SLC4A4: variants seen among roughly 807,000 people sequenced by gnomAD.
SLC4A4 encodes solute carrier family 4 member 4, also known as electrogenic sodium bicarbonate cotransporter 1.
In SLC4A4, 27 loss-of-function variants were observed where a neutral mutation model predicts 111.5. The observed-to-expected ratio is 0.24, with a 90% CI of 0.18 to 0.33. SLC4A4 has a LOEUF of 0.33. Ranked by LOEUF, SLC4A4 falls within the 10% of genes least tolerant of loss-of-function variation. The probability of loss-of-function intolerance (pLI) is 1.00; values close to 1 mark genes in which losing one functional copy is unlikely to be tolerated. For missense variants in SLC4A4, 909 were observed against 1,315.5 expected (o/e 0.69, Z 4.78); for synonymous variants, 443 against 463.4 (o/e 0.96, Z 0.57).
At chr4:71,467,042 G>C (rs1727435894) in intron 13 of SLC4A4, among the ~76,000 whole-genome samples, 1 of 151,542 alleles carries the variant, frequency 6.6e-6, no homozygotes, top group Non-Finnish European at 1.5e-5. Flanking sequence ...TTCTGGCAGT[G>C]CTTATCCCCG....
At chr4:71,447,844 T>TCATGC in intron 9 of SLC4A4, 111 bp downstream of exon 9, 1 of 762,538 alleles carries the variant, frequency 1.3e-6, no homozygotes, top group Non-Finnish European at 2.3e-6. Context: ...CTAGACTTCC[T>TCATGC]TATAGCATGA....
intron 3 of SLC4A4, among the ~76,000 whole-genome samples, chr4:71,311,250 C>A (rs550594415): frequency 6.6e-6 from 1 of 152,184 alleles, no homozygotes; most frequent in South Asian, 2.1e-4. Context: ...TAGTGGGAGA[C>A]TTTAACACCC....
intron 14 of SLC4A4, among the ~76,000 whole-genome samples, chr4:71,475,393 T>A (rs1347544148): frequency 6.6e-6 from 1 of 151,924 alleles, no homozygotes; most frequent in Non-Finnish European, 1.5e-5. Flanking sequence ...CATGTAATTT[T>A]CCTTCTAAGA....
intron 2 of SLC4A4, among the ~76,000 whole-genome samples, chr4:71,140,331 G>C (rs1231179245): frequency 6.6e-6 from 1 of 152,094 alleles, no homozygotes; most frequent in African/African-American, 2.4e-5. Flanking sequence ...TGAGGGGGGA[G>C]GATTGATTGA....
At chr4:71,289,041 T>C (rs1321259733) in intron 3 of SLC4A4, among the ~76,000 whole-genome samples, 4 of 152,170 alleles carry the variant, frequency 2.6e-5, no homozygotes, top group Non-Finnish European at 5.9e-5. Context: ...TGGGCTGACC[T>C]TGGGAATGTG....
At chr4:71,253,359 T>C (rs1027818111) in intron 2 of SLC4A4, among the ~76,000 whole-genome samples, 1 of 152,174 alleles carries the variant, frequency 6.6e-6, no homozygotes, top group Admixed American at 6.6e-5. Flanking sequence ...TGGGTAAATA[T>C]AATTTAAAAA....
chr4:71,369,459 T>G (rs1030961131), intron 6 of SLC4A4, among the ~76,000 whole-genome samples: 1 of 152,132 alleles, frequency 6.6e-6, no homozygotes, highest in Non-Finnish European at 1.5e-5. Context: ...AACCTCAGTT[T>G]CCTCATGGTG....
chr4:71,380,343 G>A (rs1259840487), intron 6 of SLC4A4, among the ~76,000 whole-genome samples: 1 of 152,140 alleles, frequency 6.6e-6, no homozygotes, highest in Non-Finnish European at 1.5e-5. Flanking sequence ...TACAGATGAA[G>A]GAACTGAGGC....
chr4:71,518,728 G>A (rs947990464), intron 16 of SLC4A4, among the ~76,000 whole-genome samples: 12 of 151,430 alleles, frequency 7.9e-5, no homozygotes, highest in African/African-American at 2.9e-4. Context: ...GGAGCCTAGG[G>A]CCACTGGGTT....
chr4:71,532,156 T>C lies in SLC4A4; in HGVS notation c.2261T>C (p.Ile754Thr), dbSNP rs752270634. 3 of 1,605,840 alleles carry C rather than the reference T, an allele frequency of 1.9e-6. No homozygotes were observed. Among genetic ancestry groups the C allele is most frequent in the South Asian group, 2.2e-5 (2 of 90,918 alleles). Residue 754 changes from isoleucine (I) to threonine (T), a missense_variant, in exon 17 of 26, where the codon ATT becomes ACT. Physicochemically the swap from Ile to Thr is moderately conservative, Grantham distance 89. Transcript: ENST00000264485. ...ALVGVDTPKL[I>T]VPSEFKPTSP... ...GTAGGCGTGGACACCCCAAAACTAA[T>C]TGTGCCAAGTGAGTTCAAGGTAGGT...
At chr4:71,182,049 A>T (rs993821528) in intron 2 of SLC4A4, among the ~76,000 whole-genome samples, 3 of 152,202 alleles carry the variant, frequency 2.0e-5, no homozygotes, top group Admixed American at 6.5e-5. Context: ...GATAATGGAC[A>T]TTATTTTGTC....
At chr4:71,262,611 T>C (rs1721943876) in intron 3 of SLC4A4, among the ~76,000 whole-genome samples, 1 of 152,216 alleles carries the variant, frequency 6.6e-6, no homozygotes, top group Non-Finnish European at 1.5e-5. Flanking sequence ...GCCACTTCCT[T>C]TGAATTCCTA....
At chr4:71,437,916 T>G (rs1724315654) in intron 7 of SLC4A4, 1 of 172,784 alleles carries the variant, frequency 5.8e-6, no homozygotes, top group Admixed American at 6.1e-5. Context: ...CTCCTGCAGC[T>G]CAGCTCATGG....
chr4:71,114,117 G>A (rs1743179543), intron 2 of SLC4A4, among the ~76,000 whole-genome samples: 1 of 152,106 alleles, frequency 6.6e-6, no homozygotes, highest in Admixed American at 6.5e-5. Flanking sequence ...CGTGGTGGCA[G>A]GCGCCTGTAG....
chr4:71,351,792 G>A (rs1241087851), intron 5 of SLC4A4, among the ~76,000 whole-genome samples: 3 of 152,178 alleles, frequency 2.0e-5, no homozygotes, highest in Non-Finnish European at 4.4e-5. Flanking sequence ...TAGTACATGG[G>A]CTTCTACAAT....
intron 6 of SLC4A4, among the ~76,000 whole-genome samples, chr4:71,370,312 T>C (rs1731742895): frequency 6.6e-6 from 1 of 152,196 alleles, no homozygotes; most frequent in African/African-American, 2.4e-5. Context: ...AGTTAAAGTA[T>C]AGGAAACTTA....
chr4:71,075,718 C>G (rs907784616), intron 1 of SLC4A4, among the ~76,000 whole-genome samples: 8 of 152,034 alleles, frequency 5.3e-5, no homozygotes, highest in Non-Finnish European at 1.0e-4. Context: ...GCCTGTAATC[C>G]CAGCATTTTG....
At chr4:71,554,254 C>T (rs1466760052) in intron 20 of SLC4A4, among the ~76,000 whole-genome samples, 5 of 151,742 alleles carry the variant, frequency 3.3e-5, no homozygotes, top group East Asian at 3.9e-4. Context: ...AATTGACTTG[C>T]GGTTTTAGTA....
chr4:71,153,897 T>C (rs1256585680), intron 2 of SLC4A4, among the ~76,000 whole-genome samples: 1 of 152,120 alleles, frequency 6.6e-6, no homozygotes, highest in Non-Finnish European at 1.5e-5. Flanking sequence ...ATCAGGGTCA[T>C]CAGTATGTGA....
Sources: allele counts gnomAD v4.1 joint callset (sites outside exome capture counted in the v4.1 genomes callset), GRCh38; gene constraint gnomAD v4.1.1; transcripts MANE v1.5; gene names NCBI Gene and HGNC (gene_info 2026-07-23, HGNC 2026-07-21).